The following TNNI3K variants were observed in gnomAD, a reference collection of about 807,000 sequenced individuals.
TNNI3K encodes the protein serine/threonine-protein kinase TNNI3K.
In TNNI3K, 140 loss-of-function variants were observed where a neutral mutation model predicts 114.5. The ratio of observed to expected loss-of-function variants is 1.22; its 90% CI spans 1.07 to 1.41. The LOEUF (loss-of-function observed/expected upper bound fraction) is 1.41. TNNI3K is among the 40% of genes most tolerant of loss of function. TNNI3K has a pLI of 0.00. For synonymous variants in TNNI3K, 347 were observed against 347.5 expected (o/e 1.00, Z 0.02); for missense variants, 1,125 against 1,007.6 (o/e 1.12, Z -1.58).
intron 17 of TNNI3K, among the ~76,000 whole-genome samples, chr1:74,377,493 A>T (rs1325064839): frequency 6.6e-6 from 1 of 152,044 alleles, no homozygotes; most frequent in Non-Finnish European, 1.5e-5. Flanking sequence ...AAACAGATAC[A>T]AAAGTTTCAA....
chr1:74,502,840 C>T (rs192480292), intron 23 of TNNI3K, among the ~76,000 whole-genome samples: 33 of 152,190 alleles, frequency 2.2e-4, no homozygotes, highest in African/African-American at 3.6e-4. Flanking sequence ...ACAGGCGTGC[C>T]GTGGACTCCC....
intron 23 of TNNI3K, among the ~76,000 whole-genome samples, chr1:74,513,654 G>A (rs1022387137): frequency 2.0e-5 from 3 of 152,172 alleles, no homozygotes; most frequent in African/African-American, 7.2e-5. Context: ...GTAACTGATG[G>A]AGTCATCCTT....
intron 5 of TNNI3K, among the ~76,000 whole-genome samples, chr1:74,319,984 C>T (rs1179416969): frequency 1.3e-5 from 2 of 152,188 alleles, no homozygotes; most frequent in Non-Finnish European, 2.9e-5. Context: ...TATACAGGTT[C>T]TGCCATTTCC....
intron 20 of TNNI3K, 21 bp from the exon 21 acceptor site, chr1:74,463,420 A>T (rs776395378): frequency 1.2e-6 from 2 of 1,613,624 alleles, no homozygotes; most frequent in African/African-American, 2.7e-5. Context: ...TTCAAAACTG[A>T]CATGACCATT....
intron 11 of TNNI3K, among the ~76,000 whole-genome samples, chr1:74,361,167 T>C (rs1004390330): frequency 1.3e-5 from 2 of 152,110 alleles, no homozygotes; most frequent in Non-Finnish European, 2.9e-5. Flanking sequence ...GCAAAATATT[T>C]TAAAATATGT....
chr1:74,353,982 T>G lies in TNNI3K; in HGVS notation c.1030T>G (p.Leu344Val). 6.2e-7 allele frequency: 1 copy of G among 1,612,850 alleles called. No individual in the cohort carries two copies. Among genetic ancestry groups the G allele is most frequent in the Non-Finnish European group, 8.5e-7 (1 of 1,179,574 alleles). Residue 344 changes from leucine to valine, a missense_variant and splice_region_variant, in exon 11 of 25, where the codon TTA becomes GTA. Leu to Val is a conservative substitution (Grantham distance 32). Transcript: ENST00000326637. Reference sequence around the variant, plus strand: ...CTTTCAATTCTTTTCTATTACAGGATTACACTCTGCTTGCTACCACGGTCA... The same window carrying G: ...CTTTCAATTCTTTTCTATTACAGGAGTACACTCTGCTTGCTACCACGGTCA... The part of the protein sequence containing the change: ...NHQGRDGHTG[L>V]HSACYHGHIR...
intron 19 of TNNI3K, 120 bp downstream of exon 19, chr1:74,436,646 G>C: frequency 9.8e-7 from 1 of 1,020,990 alleles, no homozygotes; most frequent in Non-Finnish European, 1.4e-6. Flanking sequence ...TCAGTGTTGG[G>C]ATAATGGCTT....
chr1:74,525,483 C>T (rs1175367450), intron 23 of TNNI3K, among the ~76,000 whole-genome samples: 1 of 152,148 alleles, frequency 6.6e-6, no homozygotes, highest in Admixed American at 6.5e-5. Flanking sequence ...ACTTGGCCAA[C>T]TGCATAGAAC....
At chr1:74,349,557 T>G (rs1661213931) in intron 9 of TNNI3K, among the ~76,000 whole-genome samples, 1 of 152,198 alleles carries the variant, frequency 6.6e-6, no homozygotes, top group African/African-American at 2.4e-5. Context: ...TACCAGCTCC[T>G]CCTTGTACCT....
Position 74,501,119 on chromosome 1 carries a change from A to G in TNNI3K, c.2351+8853A>G, listed in dbSNP as rs531195550. Among the ~76,000 whole-genome samples the G allele has an allele frequency of 2.0e-5, 3 of 151,488 alleles. No individual in the cohort carries two copies. In the East Asian group the frequency reaches 5.8e-4, roughly 29 times the overall value. On this transcript the variant is annotated intron_variant, in intron 23 of 24. Coordinates refer to ENST00000326637, the MANE Select transcript of TNNI3K (RefSeq NM_015978.3). ...AGTTGGATATTTTTTAAAGTTTCTC[A>G]CTCTATTTTCCACATTTCTCAATCT...
chr1:74,327,506 T>G (rs940382405), intron 5 of TNNI3K, among the ~76,000 whole-genome samples: 2 of 147,130 alleles, frequency 1.4e-5, no homozygotes, highest in Non-Finnish European at 3.0e-5. Context: ...TAGTAGCATT[T>G]AATATATATA....
intron 2 of TNNI3K, among the ~76,000 whole-genome samples, chr1:74,242,642 G>A (rs1283356345): frequency 6.6e-6 from 1 of 152,000 alleles, no homozygotes; most frequent in East Asian, 1.9e-4. Context: ...AGTGTGTTTT[G>A]CCAATTAGCC....
intron 5 of TNNI3K, among the ~76,000 whole-genome samples, chr1:74,314,081 GTATATA>G (rs1557491533): frequency 6.3e-4 from 1 of 1,590 alleles, no homozygotes; most frequent in African/African-American, 1.1e-3. Context: ...ATATATATAT[GTATATA>G]TATGTATATA....
intron 2 of TNNI3K, among the ~76,000 whole-genome samples, chr1:74,236,524 T>G (rs1653869328): frequency 6.6e-6 from 1 of 151,846 alleles, no homozygotes; most frequent in South Asian, 2.1e-4. Flanking sequence ...ATCATTCTTG[T>G]AAACCATGCC....
chr1:74,524,676 T>TAGCAAAG (rs1646479386), intron 23 of TNNI3K, among the ~76,000 whole-genome samples: 1 of 150,124 alleles, frequency 6.7e-6, no homozygotes, highest in Admixed American at 6.7e-5. Context: ...CAGCAGCAAA[T>TAGCAAAG]AAAACACAGA....
intron 5 of TNNI3K, among the ~76,000 whole-genome samples, chr1:74,293,212 A>G (rs986400260): frequency 4.0e-5 from 6 of 151,664 alleles, no homozygotes; most frequent in African/African-American, 1.4e-4. Context: ...TGAATCTACC[A>G]ACGTATTTTG....
chr1:74,268,805 C>T (rs771604733), intron 4 of TNNI3K, among the ~76,000 whole-genome samples: 100 of 151,846 alleles, frequency 6.6e-4, no homozygotes, highest in Non-Finnish European at 1.1e-3. Flanking sequence ...CATGTGAAAA[C>T]GAAACATTTT....
intron 5 of TNNI3K, among the ~76,000 whole-genome samples, chr1:74,326,822 G>A (rs1254584091): frequency 2.6e-5 from 4 of 152,134 alleles, no homozygotes; most frequent in African/African-American, 9.7e-5. Context: ...AGAAAAAGCA[G>A]GCTCATGCCT....
rs1485460205 is a variant in TNNI3K at position 74,446,488 on chromosome 1, G to A, written c.2011+6866G>A. On this transcript the variant is annotated intron_variant, in intron 20 of 24. Transcript: ENST00000326637. ...GCGAAAATTTTCTCCCATTTTGTAGGTTGCCTGTTCACTCTGATGGTAGTT... is the reference window on the plus strand; with the variant it reads ...GCGAAAATTTTCTCCCATTTTGTAGATTGCCTGTTCACTCTGATGGTAGTT... 6.5e-3 allele frequency among the ~76,000 whole-genome samples: 956 copies of A among 147,910 alleles called. 15 individuals are homozygous for A. Among genetic ancestry groups the A allele is most frequent in the African/African-American group, 0.023 (902 of 39,564 alleles).
Sources: allele counts gnomAD v4.1 joint callset (sites outside exome capture counted in the v4.1 genomes callset), GRCh38; gene constraint gnomAD v4.1.1; transcripts MANE v1.5; gene names NCBI Gene and HGNC (gene_info 2026-07-23, HGNC 2026-07-21).